NR5A2: variants seen among roughly 807,000 people sequenced by gnomAD.
NR5A2 encodes the protein CYP7A promoter-binding factor.
Under a neutral mutation model 62.7 loss-of-function variants are expected in NR5A2, and 26 were observed. The ratio of observed to expected loss-of-function variants is 0.41; its 90% CI spans 0.30 to 0.58. The LOEUF is 0.58. NR5A2 is among the 20% of genes least tolerant of loss of function. NR5A2 has a pLI of 0.22. For synonymous variants in NR5A2, 246 were observed against 241.7 expected (o/e 1.02, Z -0.16); for missense variants, 541 against 669.1 (o/e 0.81, Z 2.11).
chr1:200,111,046 T>C (rs759742485), intron 5 of NR5A2, among the ~76,000 whole-genome samples, 156 bp from the exon 6 acceptor site: 1 of 152,212 alleles, frequency 6.6e-6, no homozygotes, highest in Non-Finnish European at 1.5e-5. Context: ...AGCAGTGATA[T>C]GAATTCTGGG....
chr1:200,029,790 A>T (rs1444875138), intron 1 of NR5A2: 1 of 152,084 alleles, frequency 6.6e-6, no homozygotes, highest in Non-Finnish European at 1.5e-5. Context: ...ACCCAAGCAC[A>T]TCCCCTCCGC....
chr1:200,125,736 A>C (rs532834114), intron 7 of NR5A2, among the ~76,000 whole-genome samples: 2 of 152,370 alleles, frequency 1.3e-5, no homozygotes, highest in Admixed American at 6.5e-5. Context: ...ATAATGTCTC[A>C]GAATAAACAG....
intron 5 of NR5A2, among the ~76,000 whole-genome samples, chr1:200,080,081 A>C (rs185689412): frequency 6.6e-6 from 1 of 152,310 alleles, no homozygotes; most frequent in Admixed American, 6.5e-5. Context: ...ATTTCCAAAA[A>C]GTTTGAGGTG....
At chr1:200,110,035 G>A (rs569888158) in intron 5 of NR5A2, among the ~76,000 whole-genome samples, 20 of 152,306 alleles carry the variant, frequency 1.3e-4, no homozygotes, top group African/African-American at 4.6e-4. Context: ...AAAGTGCTAG[G>A]ATTACAGGCA....
intron 5 of NR5A2, among the ~76,000 whole-genome samples, chr1:200,100,484 AT>A (rs1162529744): frequency 2.0e-5 from 3 of 152,212 alleles, no homozygotes; most frequent in African/African-American, 7.2e-5. Flanking sequence ...CTCCAAAGCT[AT>A]GCATTTCCTT....
At chr1:200,084,491 G>A (rs1664438152) in intron 5 of NR5A2, among the ~76,000 whole-genome samples, 4 of 152,084 alleles carry the variant, frequency 2.6e-5, no homozygotes, top group Admixed American at 1.3e-4. Flanking sequence ...ACTTTATATA[G>A]GTGAACTGAT....
At position 200,029,261 on chromosome 1, in the gene NR5A2, G is replaced by A. The variant is rs574615242; in HGVS notation, c.64+1350G>A. ...CTCGGGGGCTCGCGCCCGCGCGGGC[G>A]GTCTTGGGCTCCTGCTGCGCGCAGC... is the stretch of plus-strand genomic sequence containing the variant. On this transcript the variant is annotated intron_variant, in intron 1 of 7. Transcript: ENST00000367362. 1.6e-5 allele frequency: 3 copies of A among 190,314 alleles called. No homozygotes were observed. The South Asian group carries it at 3.1e-4, about 20-fold the overall frequency. 11.8% of individuals were successfully genotyped at this position (190,314 alleles called of 1,614,324 possible). A position where few individuals can be genotyped will look rare whatever the true frequency, so the allele number is the denominator to read the frequency against.
At chr1:200,128,298 C>G (rs912483624) in intron 7 of NR5A2, among the ~76,000 whole-genome samples, 2 of 152,188 alleles carry the variant, frequency 1.3e-5, no homozygotes, top group Non-Finnish European at 2.9e-5. Flanking sequence ...GCAGTTCAAA[C>G]CTGTGTTGTG....
At chr1:200,055,924 C>T (rs12402175) in intron 5 of NR5A2, among the ~76,000 whole-genome samples, 3,413 of 152,186 alleles carry the variant, frequency 0.022, 61 homozygotes, top group Non-Finnish European at 0.034. Context: ...GTTTTTCTTC[C>T]GCTGAAGGTA....
intron 7 of NR5A2, among the ~76,000 whole-genome samples, chr1:200,161,083 T>C (rs1240827776): frequency 6.6e-6 from 1 of 152,092 alleles, no homozygotes; most frequent in Admixed American, 6.5e-5. Context: ...TTTAGCAGGA[T>C]AAGGACTAAG....
chr1:200,102,907 T>C (rs781041461), intron 5 of NR5A2, among the ~76,000 whole-genome samples: 37 of 152,080 alleles, frequency 2.4e-4, no homozygotes, highest in Admixed American at 1.2e-3. Context: ...TCTCAATGCA[T>C]TGATGGATAT....
intron 6 of NR5A2, among the ~76,000 whole-genome samples, chr1:200,112,320 T>C (rs539559249): frequency 2.0e-5 from 3 of 152,324 alleles, no homozygotes; most frequent in Admixed American, 1.3e-4. Flanking sequence ...CTCTCCAGTT[T>C]CTTAACCCTC....
intron 1 of NR5A2, among the ~76,000 whole-genome samples, chr1:200,030,969 C>T (rs1039544044): frequency 4.6e-5 from 7 of 152,118 alleles, no homozygotes; most frequent in Non-Finnish European, 7.4e-5. Flanking sequence ...TGAAAGTAGA[C>T]GTTTCATCAG....
chr1:200,044,004 A>G (rs1662242009), intron 3 of NR5A2, 112 bp downstream of exon 3: 1 of 663,082 alleles, frequency 1.5e-6, no homozygotes, highest in African/African-American at 1.8e-5. Context: ...TCAACTAAAA[A>G]TGAGGGAGAA....
At chr1:200,052,260 C>A (rs1361057213) in intron 5 of NR5A2, among the ~76,000 whole-genome samples, 1 of 152,164 alleles carries the variant, frequency 6.6e-6, no homozygotes, top group African/African-American at 2.4e-5. Flanking sequence ...TCTTTGAAAC[C>A]CACAGCCTGA....
At chr1:200,163,486 G>GTT (rs560600548) in intron 7 of NR5A2, among the ~76,000 whole-genome samples, 1,975 of 142,180 alleles carry the variant, frequency 0.014, 21 homozygotes, top group South Asian at 0.056. Context: ...TTTGTTTATT[G>GTT]TTTTTTTTTT....
intron 5 of NR5A2, among the ~76,000 whole-genome samples, chr1:200,061,189 T>A (rs1034594005): frequency 1.9e-4 from 29 of 151,500 alleles, no homozygotes; most frequent in African/African-American, 7.0e-4. Context: ...CCTGATCATT[T>A]CTCTCAGAAA....
At chr1:200,064,081 G>T (rs897276892) in intron 5 of NR5A2, among the ~76,000 whole-genome samples, 8 of 151,970 alleles carry the variant, frequency 5.3e-5, no homozygotes, top group Non-Finnish European at 2.9e-5. Context: ...CCTGGGAGGT[G>T]GAGGTTACAG....
intron 5 of NR5A2, among the ~76,000 whole-genome samples, chr1:200,098,754 A>G (rs965009036): frequency 1.3e-5 from 2 of 152,370 alleles, no homozygotes; most frequent in Middle Eastern, 3.4e-3. Context: ...AGCATGTAAC[A>G]GGATGGGGGT....
Sources: allele counts gnomAD v4.1 joint callset (sites outside exome capture counted in the v4.1 genomes callset), GRCh38; gene constraint gnomAD v4.1.1; transcripts MANE v1.5; gene names NCBI Gene and HGNC (gene_info 2026-07-23, HGNC 2026-07-21).